The following SND1 variants were observed in gnomAD, a reference collection of about 807,000 sequenced individuals.
SND1 encodes the protein staphylococcal nuclease and tudor domain containing 1.
A neutral mutation model predicts 121.7 loss-of-function variants in SND1; 38 were observed. The observed-to-expected ratio is 0.31, with a 90% CI of 0.24 to 0.41. The LOEUF is 0.41. Among genes scored for constraint, SND1 ranks in the 10% least tolerant of loss-of-function variants. The pLI, the probability that SND1 is intolerant of heterozygous loss-of-function variation, is 1.00. For synonymous variants in SND1, 401 were observed against 447.4 expected, an observed-to-expected ratio of 0.90 and a Z score of 1.31; for missense variants, 868 against 1,184.6, an observed-to-expected ratio of 0.73 and a Z score of 3.92.
chr7:127,858,177 C>G, intron 12 of SND1: 2 of 801,816 alleles, frequency 2.5e-6, no homozygotes, highest in Non-Finnish European at 2.2e-6. Context: ...GCCTGGCACC[C>G]CAAACCCTTC....
At chr7:127,999,676 T>C (rs1802772776) in intron 16 of SND1, 1 of 152,184 alleles carries the variant, frequency 6.6e-6, no homozygotes, top group Non-Finnish European at 1.5e-5. Flanking sequence ...AATTGGGGAA[T>C]GCATGTACTG....
chr7:127,724,265 G>A (rs1350016527), intron 10 of SND1, among the ~76,000 whole-genome samples: 5 of 152,220 alleles, frequency 3.3e-5, no homozygotes. Flanking sequence ...CATAGTTTGG[G>A]AAGGCTACTT....
chr7:127,911,965 T>C (rs937083410), intron 14 of SND1, among the ~76,000 whole-genome samples: 1 of 152,048 alleles, frequency 6.6e-6, no homozygotes, highest in African/African-American at 2.4e-5. Context: ...GTACATGGTT[T>C]GTTTCTCTCT....
At chr7:127,927,529 T>A (rs1261759618) in intron 14 of SND1, among the ~76,000 whole-genome samples, 2 of 152,226 alleles carry the variant, frequency 1.3e-5, no homozygotes, top group African/African-American at 4.8e-5. Context: ...TTCATGTGTA[T>A]ATGTGTAGGA....
At chr7:127,981,892 G>C (rs1381956969) in intron 15 of SND1, among the ~76,000 whole-genome samples, 1 of 152,184 alleles carries the variant, frequency 6.6e-6, no homozygotes, top group Non-Finnish European at 1.5e-5. Context: ...TACTCCACAG[G>C]TTAACTCATA....
At chr7:127,685,475 C>T (rs892853990) in intron 1 of SND1, among the ~76,000 whole-genome samples, 2 of 152,204 alleles carry the variant, frequency 1.3e-5, no homozygotes, top group African/African-American at 4.8e-5. Context: ...GCATGAGCCC[C>T]CACCTGTTTG....
intron 12 of SND1, among the ~76,000 whole-genome samples, chr7:127,869,909 T>G (rs1036855856): frequency 6.6e-6 from 1 of 152,170 alleles, no homozygotes; most frequent in Non-Finnish European, 1.5e-5. Flanking sequence ...AATATGTGAT[T>G]CTGTGAGATG....
chr7:128,091,811 C>T, intron 22 of SND1, 26 bp from the exon 23 acceptor site: 1 of 1,613,726 alleles, frequency 6.2e-7, no homozygotes, highest in Non-Finnish European at 8.5e-7. Flanking sequence ...ACTCTGACCA[C>T]TCCCTTTCTT....
chr7:127,714,814 G>A (rs1170725786), intron 9 of SND1, among the ~76,000 whole-genome samples: 1 of 152,214 alleles, frequency 6.6e-6, no homozygotes, highest in Non-Finnish European at 1.5e-5. Context: ...GTTGTTGGAT[G>A]AGTCAGAATT....
intron 10 of SND1, among the ~76,000 whole-genome samples, chr7:127,753,728 A>T (rs1353567534): frequency 6.6e-6 from 1 of 152,194 alleles, no homozygotes; most frequent in Non-Finnish European, 1.5e-5. Context: ...TATTGTGTTC[A>T]TTAGAGCACT....
At chr7:128,032,396 C>T (rs1374023803) in intron 16 of SND1, among the ~76,000 whole-genome samples, 1 of 151,570 alleles carries the variant, frequency 6.6e-6, no homozygotes, top group Admixed American at 6.6e-5. Context: ...GCGAGCGAGC[C>T]GGAGTGAGCG....
At chr7:128,073,775 G>A (rs746414273) in intron 16 of SND1, among the ~76,000 whole-genome samples, 2 of 152,176 alleles carry the variant, frequency 1.3e-5, no homozygotes, top group African/African-American at 4.8e-5. Context: ...CGAGGGCCAC[G>A]ATCCTGAGGC....
chr7:127,962,111 C>T (rs892069667), intron 15 of SND1, among the ~76,000 whole-genome samples: 4 of 152,128 alleles, frequency 2.6e-5, no homozygotes, highest in Admixed American at 2.6e-4. Flanking sequence ...AAAAAGTATT[C>T]CAGAGAGTTC....
chr7:127,978,807 C>G (rs1275582992), intron 15 of SND1, among the ~76,000 whole-genome samples: 1 of 152,166 alleles, frequency 6.6e-6, no homozygotes, highest in Non-Finnish European at 1.5e-5. Flanking sequence ...CTGCGTCAGC[C>G]TGCCGAGTAG....
intron 12 of SND1, among the ~76,000 whole-genome samples, chr7:127,867,138 C>T (rs1391602141): frequency 1.3e-5 from 2 of 152,136 alleles, no homozygotes; most frequent in African/African-American, 4.8e-5. Flanking sequence ...TTAATTCTGT[C>T]CCGTTTGCTA....
rs541624765 is a variant in SND1 at position 128,082,799 on chromosome 7, A to T, written c.2110+1298A>T. On this transcript the variant is annotated intron_variant, in intron 18 of 23. Transcript: ENST00000354725. ...CCCCGCCAGCCCACCAGAGAACTTG[A>T]GCAAAAGGATGCGATCACTCCCAGG... is the stretch of plus-strand genomic sequence containing the variant. 2.0e-5 allele frequency among the ~76,000 whole-genome samples: 3 copies of T among 152,180 alleles called. No homozygotes were observed. The South Asian group carries it at 6.2e-4, about 32-fold the overall frequency.
At chr7:128,056,267 C>T (rs1307524162) in intron 16 of SND1, among the ~76,000 whole-genome samples, 1 of 152,196 alleles carries the variant, frequency 6.6e-6, no homozygotes, top group Admixed American at 6.5e-5. Context: ...TGATCTATCC[C>T]CTGCCAAGCC....
chr7:127,888,186 A>C (rs1350052486), intron 13 of SND1, among the ~76,000 whole-genome samples, 174 bp downstream of exon 13: 1 of 152,116 alleles, frequency 6.6e-6, no homozygotes, highest in Non-Finnish European at 1.5e-5. Flanking sequence ...CTTGCTGTCT[A>C]ATTTTGTTTA....
chr7:127,891,810 G>A (rs568107975), intron 13 of SND1, among the ~76,000 whole-genome samples: 19 of 152,086 alleles, frequency 1.2e-4, no homozygotes, highest in Admixed American at 3.3e-4. Flanking sequence ...AATCTTCAGC[G>A]ATTGTGTACT....
Sources: allele counts gnomAD v4.1 joint callset (sites outside exome capture counted in the v4.1 genomes callset), GRCh38; gene constraint gnomAD v4.1.1; transcripts MANE v1.5; gene names NCBI Gene and HGNC (gene_info 2026-07-23, HGNC 2026-07-21).